The following CDK17 variants were observed in gnomAD, a reference collection of about 807,000 sequenced individuals.
The protein encoded by CDK17 is cyclin dependent kinase 17.
In CDK17, 24 loss-of-function variants were observed where a neutral mutation model predicts 77.6. The ratio of observed to expected loss-of-function variants is 0.31; its 90% CI spans 0.22 to 0.44. The LOEUF (loss-of-function observed/expected upper bound fraction) is 0.44. CDK17 is among the 20% of genes least tolerant of loss of function. The pLI, the probability that CDK17 is intolerant of heterozygous loss-of-function variation, is 1.00. For missense variants in CDK17, 429 were observed against 622.5 expected (o/e 0.69, Z 3.31); for synonymous variants, 203 against 210.4 (o/e 0.96, Z 0.30).
At chr12:96,281,614 G>A (rs11834338) in intron 15 of CDK17, 21,015 of 152,260 alleles carry the variant, frequency 0.14, 1,617 homozygotes, top group South Asian at 0.28. Flanking sequence ...TGATCCGCCC[G>A]CCTTGGCCTC....
chr12:96,339,101 G>A (rs988207014), intron 1 of CDK17, among the ~76,000 whole-genome samples: 37 of 151,876 alleles, frequency 2.4e-4, no homozygotes, highest in African/African-American at 8.7e-4. Context: ...TGCTGACCAC[G>A]GGACCTGCCT....
At chr12:96,381,305 C>T (rs1002767816) in intron 1 of CDK17, among the ~76,000 whole-genome samples, 8 of 151,698 alleles carry the variant, frequency 5.3e-5, no homozygotes, top group Non-Finnish European at 1.2e-4. Flanking sequence ...ACAACTAACC[C>T]TTATCTGTAA....
chr12:96,343,255 A>G (rs1953149920), intron 1 of CDK17, among the ~76,000 whole-genome samples: 1 of 152,266 alleles, frequency 6.6e-6, no homozygotes, highest in Admixed American at 6.5e-5. Context: ...ACTAAAAACA[A>G]CCAGGAAAGT....
At chr12:96,368,806 C>CAGAGGGGG (rs1491120801) in intron 1 of CDK17, among the ~76,000 whole-genome samples, 1 of 67,514 alleles carries the variant, frequency 1.5e-5, no homozygotes, top group African/African-American at 5.1e-5. Flanking sequence ...TACTCTAAGA[C>CAGAGGGGG]GGGGGGGGGG....
At chr12:96,318,984 C>T (rs1399988438) in intron 3 of CDK17, among the ~76,000 whole-genome samples, 5 of 147,842 alleles carry the variant, frequency 3.4e-5, no homozygotes, top group Admixed American at 6.8e-5. Flanking sequence ...ACACAAAAAA[C>T]CCTTCAAAAA....
intron 1 of CDK17, among the ~76,000 whole-genome samples, chr12:96,339,565 A>C (rs2137151591): frequency 6.6e-6 from 1 of 152,260 alleles, no homozygotes; most frequent in Non-Finnish European, 1.5e-5. Flanking sequence ...TTAAAAAAAA[A>C]AACCTTAGTG....
At chr12:96,284,615 T>A (rs1021896033) in intron 13 of CDK17, among the ~76,000 whole-genome samples, 2 of 149,738 alleles carry the variant, frequency 1.3e-5, no homozygotes, top group African/African-American at 4.9e-5. Flanking sequence ...TAGGCTGGAG[T>A]GCAAAGGTGC....
At chr12:96,306,692 T>C (rs542110599) in intron 5 of CDK17, among the ~76,000 whole-genome samples, 2 of 152,076 alleles carry the variant, frequency 1.3e-5, no homozygotes, top group Non-Finnish European at 2.9e-5. Context: ...AAAAAACTTT[T>C]ACTTTTTAGG....
At chr12:96,349,777 A>G (rs1953283961) in intron 1 of CDK17, among the ~76,000 whole-genome samples, 1 of 152,196 alleles carries the variant, frequency 6.6e-6, no homozygotes, top group Non-Finnish European at 1.5e-5. Context: ...CAGAACAATT[A>G]GGCAAGAAAA....
At chr12:96,289,738 T>TTTATACAGTTTTAC (rs1952296548) in intron 10 of CDK17, among the ~76,000 whole-genome samples, 1 of 152,250 alleles carries the variant, frequency 6.6e-6, no homozygotes, top group African/African-American at 2.4e-5. Flanking sequence ...TACCATTTTT[T>TTTATACAGTTTTAC]ATCAAAAACT....
At chr12:96,367,036 G>C (rs369487669) in intron 1 of CDK17, among the ~76,000 whole-genome samples, 5 of 151,958 alleles carry the variant, frequency 3.3e-5, no homozygotes, top group African/African-American at 1.2e-4. Flanking sequence ...CAAAGTAGTA[G>C]TTCCCTTTCT....
At chr12:96,386,064 G>C (rs1953968673) in intron 1 of CDK17, among the ~76,000 whole-genome samples, 1 of 152,222 alleles carries the variant, frequency 6.6e-6, no homozygotes, top group African/African-American at 2.4e-5. Flanking sequence ...CTGTCACGCT[G>C]GCTGGGGAGC....
chr12:96,397,529 T>C (rs1027404703), intron 1 of CDK17, among the ~76,000 whole-genome samples: 29 of 152,198 alleles, frequency 1.9e-4, no homozygotes, highest in African/African-American at 7.0e-4. Flanking sequence ...TTATAGAAGC[T>C]TCTTTTAGTA....
At position 96,280,159 on chromosome 12, in the gene CDK17, C is replaced by T; in HGVS notation, c.*83G>A. ...TAGACAAACGGAGATTCCAAGTCCACCAAAAGAAATAATTGCCTTCAGTTC... is the reference window on the plus strand; with the variant it reads ...TAGACAAACGGAGATTCCAAGTCCATCAAAAGAAATAATTGCCTTCAGTTC... On this transcript the variant is annotated 3_prime_UTR_variant, in exon 17 of 17. Coordinates refer to ENST00000261211, the MANE Select transcript of CDK17 (RefSeq NM_002595.5). 1 of 1,402,648 alleles carries T rather than the reference C, an allele frequency of 7.1e-7. No homozygotes were observed. The highest frequency in any genetic ancestry group is 9.7e-7 in the Non-Finnish European group (1 of 1,032,914). The allele number at this position is 1,402,648 out of a possible 1,614,324, so 86.9% of individuals were successfully genotyped here.
At chr12:96,299,323 A>C (rs913333036) in intron 6 of CDK17, among the ~76,000 whole-genome samples, 3 of 152,186 alleles carry the variant, frequency 2.0e-5, no homozygotes, top group African/African-American at 7.2e-5. Flanking sequence ...ATGGAGACTG[A>C]TGGACACTAA....
At chr12:96,322,504 A>C (rs35998373) in intron 3 of CDK17, among the ~76,000 whole-genome samples, 7,939 of 151,916 alleles carry the variant, frequency 0.052, 271 homozygotes, top group Non-Finnish European at 0.064. Flanking sequence ...AAAAAAAAAA[A>C]AAACAAACCC....
intron 2 of CDK17, among the ~76,000 whole-genome samples, chr12:96,332,259 G>A (rs1368843953): frequency 6.6e-6 from 1 of 152,114 alleles, no homozygotes; most frequent in Non-Finnish European, 1.5e-5. Context: ...TGATGAAATG[G>A]CCTAATAACG....
chr12:96,299,124 T>C, intron 6 of CDK17, 141 bp from the exon 7 acceptor site: 3 of 551,968 alleles, frequency 5.4e-6, no homozygotes, highest in Non-Finnish European at 9.4e-6. Context: ...CACACAATGA[T>C]CAGCCATGGC....
intron 5 of CDK17, among the ~76,000 whole-genome samples, chr12:96,307,688 C>T (rs1394662161): frequency 1.1e-4 from 16 of 151,930 alleles, no homozygotes; most frequent in African/African-American, 3.4e-4. Context: ...TTGGCCAACA[C>T]GGCAAAACCC....
Sources: allele counts gnomAD v4.1 joint callset (sites outside exome capture counted in the v4.1 genomes callset), GRCh38; gene constraint gnomAD v4.1.1; transcripts MANE v1.5; gene names NCBI Gene and HGNC (gene_info 2026-07-23, HGNC 2026-07-21).